Variants in TSNAX observed in about 807,000 individuals in gnomAD.
The protein encoded by TSNAX is translin-associated protein X.
In TSNAX, 12 loss-of-function variants were observed where a neutral mutation model predicts 33.0. The ratio of observed to expected loss-of-function variants is 0.36; its 90% CI spans 0.23 to 0.59. TSNAX has a LOEUF of 0.59. Among genes scored for constraint, TSNAX ranks in the 20% least tolerant of loss-of-function variants. The pLI, the probability that TSNAX is intolerant of heterozygous loss-of-function variation, is 0.74. For missense variants in TSNAX, 267 were observed against 341.3 expected (o/e 0.78, Z 1.72); for synonymous variants, 110 against 117.2 (o/e 0.94, Z 0.40).
intron 4 of TSNAX, among the ~76,000 whole-genome samples, chr1:231,543,047 G>A (rs553961569): frequency 5.3e-5 from 8 of 151,870 alleles, no homozygotes; most frequent in East Asian, 3.9e-4. Context: ...GTGCGTTGGC[G>A]GGCGCCTGTA....
chr1:231,545,137 T>C (rs1659820414), intron 4 of TSNAX, among the ~76,000 whole-genome samples: 2 of 152,216 alleles, frequency 1.3e-5, no homozygotes, highest in African/African-American at 4.8e-5. Flanking sequence ...AAAATTTTGC[T>C]GACAGATATT....
At chr1:231,559,077 C>T (rs1401500654) in intron 4 of TSNAX, among the ~76,000 whole-genome samples, 2 of 152,092 alleles carry the variant, frequency 1.3e-5, no homozygotes, top group Non-Finnish European at 2.9e-5. Context: ...AGTGTAGTGG[C>T]AGGTGGGGGA....
At chr1:231,544,908 T>C (rs1429285446) in intron 4 of TSNAX, among the ~76,000 whole-genome samples, 4 of 150,956 alleles carry the variant, frequency 2.6e-5, no homozygotes, top group Non-Finnish European at 5.9e-5. Context: ...ACTGTATCAT[T>C]GAGGATTATT....
At chr1:231,558,707 T>TG (rs904291078) in intron 4 of TSNAX, among the ~76,000 whole-genome samples, 12 of 152,122 alleles carry the variant, frequency 7.9e-5, no homozygotes, top group South Asian at 2.1e-4. Flanking sequence ...AGATTTTCTT[T>TG]GGGGGGGAAC....
chr1:231,560,138 C>T (rs1054588863), intron 4 of TSNAX, among the ~76,000 whole-genome samples: 22 of 151,370 alleles, frequency 1.5e-4, no homozygotes, highest in Non-Finnish European at 4.4e-5. Flanking sequence ...CGCCACCACG[C>T]CCGGCTAAGT....
At chr1:231,540,006 G>A (rs1659462140) in intron 3 of TSNAX, among the ~76,000 whole-genome samples, 1 of 151,928 alleles carries the variant, frequency 6.6e-6, no homozygotes, top group Non-Finnish European at 1.5e-5. Flanking sequence ...CCAACATGGC[G>A]AAACCCTGTC....
intron 4 of TSNAX, among the ~76,000 whole-genome samples, chr1:231,548,396 A>G (rs775959976): frequency 2.6e-5 from 4 of 152,176 alleles, no homozygotes; most frequent in Admixed American, 1.3e-4. Context: ...AGAACCTAGG[A>G]CATCCTCCCT....
chr1:231,560,999 C>A, intron 4 of TSNAX, 129 bp from the exon 5 acceptor site: 1 of 855,952 alleles, frequency 1.2e-6, no homozygotes, highest in Non-Finnish European at 1.8e-6. Flanking sequence ...TAGTCTAGTA[C>A]TGGCATTGTA....
At chr1:231,543,382 T>C (rs1440403918) in intron 4 of TSNAX, among the ~76,000 whole-genome samples, 1 of 151,760 alleles carries the variant, frequency 6.6e-6, no homozygotes, top group Non-Finnish European at 1.5e-5. Context: ...GTTTCAGATT[T>C]TGAGTGTTGA....
intron 4 of TSNAX, among the ~76,000 whole-genome samples, chr1:231,553,373 T>G (rs1660463916): frequency 6.6e-6 from 1 of 152,182 alleles, no homozygotes; most frequent in Non-Finnish European, 1.5e-5. Context: ...AAAATAACAA[T>G]TTACATAAAA....
intron 1 of TSNAX, 72 bp downstream of exon 1, chr1:231,528,898 C>G: frequency 6.3e-7 from 1 of 1,590,200 alleles, no homozygotes; most frequent in Non-Finnish European, 8.6e-7. Flanking sequence ...ATGCAGTTTT[C>G]CCCTTTTCAC....
At chr1:231,558,571 C>T (rs926323447) in intron 4 of TSNAX, among the ~76,000 whole-genome samples, 2 of 152,032 alleles carry the variant, frequency 1.3e-5, no homozygotes, top group Non-Finnish European at 2.9e-5. Flanking sequence ...AATCTTTGTG[C>T]ATATCTTCTT....
chr1:231,558,084 G>A (rs1187408086), intron 4 of TSNAX, among the ~76,000 whole-genome samples: 1 of 152,126 alleles, frequency 6.6e-6, no homozygotes. Flanking sequence ...ATGAGGTCCA[G>A]ACCATGCTGG....
chr1:231,533,310 A>G (rs1249017361), intron 2 of TSNAX, among the ~76,000 whole-genome samples: 1 of 152,154 alleles, frequency 6.6e-6, no homozygotes, highest in Non-Finnish European at 1.5e-5. Flanking sequence ...TATATTGGCT[A>G]GGCTGGTTTT....
intron 5 of TSNAX, 105 bp from the exon 6 acceptor site, chr1:231,564,423 G>A (rs543450875): frequency 2.8e-5 from 42 of 1,484,680 alleles, no homozygotes; most frequent in South Asian, 1.5e-4. Context: ...TATTGATTTT[G>A]TACTTCTATA....
At chr1:231,553,163 A>T (rs926169973) in intron 4 of TSNAX, among the ~76,000 whole-genome samples, 6 of 152,230 alleles carry the variant, frequency 3.9e-5, no homozygotes, top group African/African-American at 1.4e-4. Context: ...AAAGCATTAA[A>T]AACCAAGAAA....
At chr1:231,534,786 A>C (rs1373415794) in intron 2 of TSNAX, 3 of 152,252 alleles carry the variant, frequency 2.0e-5, no homozygotes, top group Non-Finnish European at 4.4e-5. Flanking sequence ...CAAGCAGTTC[A>C]GTCAGGAAAT....
At chr1:231,539,689 A>G (rs1043265626) in intron 3 of TSNAX, among the ~76,000 whole-genome samples, 1 of 152,224 alleles carries the variant, frequency 6.6e-6, no homozygotes, top group Non-Finnish European at 1.5e-5. Context: ...AATGAGACAA[A>G]TCAGTCTGTA....
In TSNAX at chr1:231,564,688, A is replaced by T. The variant is rs1452025202; in HGVS notation, c.656A>T (p.Gln219Leu). 3.1e-6 allele frequency: 5 copies of T among 1,614,134 alleles called. No homozygotes were observed. Among genetic ancestry groups the T allele is most frequent in the Non-Finnish European group, 4.2e-6 (5 of 1,180,024 alleles). The change falls in exon 6 of 6, where the codon CAG becomes CTG. Residue 219 changes from glutamine (Q) to leucine (L), a missense_variant. Physicochemically the swap from Gln to Leu is moderately radical, Grantham distance 113. This residue lies in a region of TSNAX where 67 missense variants were observed against 127.2 expected (regional missense o/e 0.53). Coordinates refer to ENST00000366639, the MANE Select transcript of TSNAX (RefSeq NM_005999.3). ...ATTGATACCCCCTTTGAAGTGAGCC[A>T]GTTTTTACGTCAGGTTTATGATGGG... ...GDIDTPFEVS[Q>L]FLRQVYDGFS...
Sources: allele counts gnomAD v4.1 joint callset (sites outside exome capture counted in the v4.1 genomes callset), GRCh38; gene constraint gnomAD v4.1.1; regional missense constraint gnomAD v4.1.1; transcripts MANE v1.5; gene names NCBI Gene and HGNC (gene_info 2026-07-23, HGNC 2026-07-21).